PTGES3: variants seen among roughly 807,000 people sequenced by gnomAD.
PTGES3 encodes prostaglandin E synthase 3.
A neutral mutation model predicts 29.9 loss-of-function variants in PTGES3; 5 were observed. The ratio of observed to expected loss-of-function variants is 0.17; its 90% confidence interval spans 0.09 to 0.35. The LOEUF is 0.35. Ranked by LOEUF, PTGES3 falls within the 10% of genes least tolerant of loss-of-function variation. The pLI, the probability that PTGES3 is intolerant of heterozygous loss-of-function variation, is 1.00. For missense variants in PTGES3, 128 were observed against 190.0 expected (o/e 0.67, Z 1.92); for synonymous variants, 49 against 57.8 (o/e 0.85, Z 0.69).
chr12:56,668,254 T>A (rs1407029615), intron 5 of PTGES3, among the ~76,000 whole-genome samples: 2 of 152,220 alleles, frequency 1.3e-5, no homozygotes, highest in Non-Finnish European at 2.9e-5. Context: ...GGAGTTTCCC[T>A]ACCTCCAAAA....
At chr12:56,678,647 C>A (rs1952380125) in intron 1 of PTGES3, among the ~76,000 whole-genome samples, 1 of 152,120 alleles carries the variant, frequency 6.6e-6, no homozygotes, top group African/African-American at 2.4e-5. Context: ...TTATAACTCA[C>A]CAGATACTAA....
intron 4 of PTGES3, 45 bp downstream of exon 4, chr12:56,671,704 A>G (rs753161015): frequency 7.9e-7 from 1 of 1,260,548 alleles, no homozygotes. Flanking sequence ...TTTATTACCT[A>G]AAATAAAAAT....
In PTGES3 at chr12:56,679,160, A is replaced by G. The variant is rs145681987; in HGVS notation, c.3-6095T>C. ...GGAGTGATGGCTCACATCTAATATC[A>G]GCACTTTGGGAGCCCAAGGCTGGCA... is the stretch of plus-strand genomic sequence containing the variant. On this transcript the variant is annotated intron_variant, in intron 1 of 7. Coordinates refer to ENST00000262033, the MANE Select transcript of PTGES3 (RefSeq NM_006601.7). Among the ~76,000 whole-genome samples the G allele has an allele frequency of 1.1e-4, 17 of 152,208 alleles. No homozygotes were observed. The East Asian group carries it at 3.3e-3, about 29-fold the overall frequency.
chr12:56,665,594 A>G (rs1951755376), intron 6 of PTGES3: 1 of 985,270 alleles, frequency 1.0e-6, no homozygotes, highest in African/African-American at 1.7e-5. Context: ...ATCCTGACAT[A>G]AAACCTATTT....
chr12:56,675,521 C>CA (rs58270146), intron 1 of PTGES3, among the ~76,000 whole-genome samples: 1,506 of 91,958 alleles, frequency 0.016, 25 homozygotes, highest in South Asian at 0.05. Flanking sequence ...AGAATGAGAC[C>CA]AAAAAAAAAA....
chr12:56,686,172 T>C (rs1565880831), intron 1 of PTGES3, among the ~76,000 whole-genome samples: 1 of 152,166 alleles, frequency 6.6e-6, no homozygotes, highest in Non-Finnish European at 1.5e-5. Context: ...CAAATGCTTC[T>C]ACTTCAAGCC....
rs1190494098 is a variant in PTGES3 at position 56,663,422 on chromosome 12, G to GC, written c.*1056dup. 6.6e-6 allele frequency: 1 copy of GC among 152,174 alleles called. No homozygotes were observed. The highest frequency in any genetic ancestry group is 1.5e-5 in the Non-Finnish European group (1 of 68,028). The allele number at this position is 152,174 out of a possible 1,614,324, so 9.4% of individuals were successfully genotyped here. A position where few individuals can be genotyped will look rare whatever the true frequency, so the allele number is the denominator to read the frequency against. Reference sequence around the variant, plus strand: ...CTTTCTTTTCCAACTGCTGCAAAGTGCATCTACAATATGCTATTACAGATC... The same window carrying GC: ...CTTTCTTTTCCAACTGCTGCAAAGTGCCATCTACAATATGCTATTACAGATC... On this transcript the variant is annotated 3_prime_UTR_variant, in exon 8 of 8. Transcript: ENST00000262033.
intron 1 of PTGES3, among the ~76,000 whole-genome samples, chr12:56,677,849 T>C (rs1011905147): frequency 6.6e-6 from 1 of 152,184 alleles, no homozygotes; most frequent in African/African-American, 2.4e-5. Context: ...TGAATTACTC[T>C]GAAATTTAAA....
chr12:56,673,868 T>C (rs1244952167), intron 1 of PTGES3, among the ~76,000 whole-genome samples: 1 of 151,200 alleles, frequency 6.6e-6, no homozygotes, highest in East Asian at 1.9e-4. Flanking sequence ...GGGATGGGAC[T>C]GAGGCACAAG....
chr12:56,688,015 G>C lies in PTGES3; in HGVS notation c.-16C>G. 6.5e-7 allele frequency: 1 copy of C among 1,544,778 alleles called. No individual in the cohort carries two copies. Among genetic ancestry groups the C allele is most frequent in the Non-Finnish European group, 8.7e-7 (1 of 1,144,750 alleles). ...GCACTCACATTGTGAACGGGGCAGGGGGACGGGCGAACTGGTGGGCGGGCC... is the reference window on the plus strand; with the variant it reads ...GCACTCACATTGTGAACGGGGCAGGCGGACGGGCGAACTGGTGGGCGGGCC... On this transcript the variant is annotated 5_prime_UTR_variant, in exon 1 of 8. Transcript: ENST00000262033.
At chr12:56,687,005 C>CAAA (rs11297744) in intron 1 of PTGES3, 80 of 86,514 alleles carry the variant, frequency 9.2e-4, no homozygotes, top group African/African-American at 2.3e-3. Flanking sequence ...AACCTCCCGT[C>CAAA]AAAAAAAAAA....
intron 1 of PTGES3, chr12:56,687,648 C>G: frequency 8.4e-7 from 1 of 1,194,716 alleles, no homozygotes; most frequent in Non-Finnish European, 1.0e-6. Context: ...AGGCGACCCA[C>G]GAAGGTTCAC....
At chr12:56,687,017 A>AAC (rs1565881762) in intron 1 of PTGES3, 3 of 389,852 alleles carry the variant, frequency 7.7e-6, no homozygotes, top group African/African-American at 6.2e-5. Flanking sequence ...AAAAAAAAAA[A>AAC]AAAAAAAAAA....
rs74091642 is a variant in PTGES3 at position 56,664,978 on chromosome 12, T to C, written c.439-178A>G. ...TAGGTTTACCTAAGGTGAATGGATG[T>C]ACAGCAGAGGATTTATCTACCTATA... On this transcript the variant is annotated intron_variant, in intron 6 of 7. Transcript: ENST00000262033. 812 of 985,466 alleles carry C rather than the reference T, an allele frequency of 8.2e-4. 5 individuals carry two copies. In the African/African-American group the frequency reaches 0.013, roughly 16 times the overall value. The allele number at this position is 985,466 out of a possible 1,614,324, so 61.0% of individuals were successfully genotyped here.
intron 6 of PTGES3, chr12:56,665,066 C>G: frequency 1.0e-6 from 1 of 985,288 alleles, no homozygotes. Flanking sequence ...CCTAAATTAA[C>G]CTATCTCGGC....
chr12:56,687,909 G>A, intron 1 of PTGES3, 89 bp downstream of exon 1: 3 of 1,598,942 alleles, frequency 1.9e-6, no homozygotes, highest in South Asian at 2.2e-5. Flanking sequence ...CCACCGATGC[G>A]AGAAAGGCTA....
At chr12:56,674,799 C>T (rs1425369569) in intron 1 of PTGES3, among the ~76,000 whole-genome samples, 1 of 115,702 alleles carries the variant, frequency 8.6e-6, no homozygotes, top group Admixed American at 1.2e-4. Flanking sequence ...GCACCCCAGC[C>T]TGGGCAACAG....
At chr12:56,687,277 T>C (rs973844106) in intron 1 of PTGES3, 1 of 996,922 alleles carries the variant, frequency 1.0e-6, no homozygotes, top group East Asian at 1.1e-4. Flanking sequence ...ACACAGAAAA[T>C]GTCCGTATCT....
At chr12:56,667,652 GAGT>G (rs1951839125) in intron 5 of PTGES3, among the ~76,000 whole-genome samples, 1 of 152,228 alleles carries the variant, frequency 6.6e-6, no homozygotes, top group African/African-American at 2.4e-5. Context: ...CAAAAATAGA[GAGT>G]AGAATGGTAG....
Sources: allele counts gnomAD v4.1 joint callset (sites outside exome capture counted in the v4.1 genomes callset), GRCh38; gene constraint gnomAD v4.1.1; transcripts MANE v1.5; gene names NCBI Gene and HGNC (gene_info 2026-07-23, HGNC 2026-07-21).